MINAR1: variants seen among roughly 807,000 people sequenced by gnomAD.
MINAR1 encodes the protein major intrinsically disordered Notch2-binding receptor 1.
MINAR1 carries 40 observed loss-of-function variants against 65.1 expected under a neutral mutation model. That is an observed-to-expected ratio of 0.61 (90% CI 0.48 to 0.80). The LOEUF is 0.80. Ranked by LOEUF, MINAR1 falls within the 30% of genes least tolerant of loss-of-function variation. MINAR1 has a pLI of 0.00. For missense variants in MINAR1, 1,128 were observed against 1,148.0 expected (o/e 0.98, Z 0.25); for synonymous variants, 482 against 449.1 (o/e 1.07, Z -0.93).
Position 79,468,204 on chromosome 15 carries a change from C to G in MINAR1, c.2571C>G (p.Asn857Lys), listed in dbSNP as rs781754952. 6 of 1,613,668 alleles carry G rather than the reference C, an allele frequency of 3.7e-6. No individual in the cohort carries two copies. Among genetic ancestry groups the G allele is most frequent in the Non-Finnish European group, 3.4e-6 (4 of 1,179,792 alleles). The stretch of plus-strand genomic sequence containing the variant: ...GCTTTTAGACGCAAGAATCTTTAAA[C>G]CCAAATAATTTAGAGTACTGGATGG... ...ALDLQTQESL[N>K]PNNLEYWMED... The change falls in exon 4 of 4, where the codon AAC becomes AAG. Residue 857 changes from asparagine (N) to lysine (K), a missense_variant. Asn to Lys is a moderately conservative substitution (Grantham distance 94, BLOSUM62 0). Transcript: ENST00000305428.
the MINAR1 span, chr15:79,422,457 A>C: frequency 1.4e-4 from 21 of 152,130 alleles, no homozygotes; most frequent in African/African-American, 4.8e-4. Context: ...TTGAGGCAGG[A>C]GAATCACTTG....
chr15:79,453,351 C>T (rs941366311), intron 1 of MINAR1, among the ~76,000 whole-genome samples: 3 of 151,996 alleles, frequency 2.0e-5, no homozygotes, highest in African/African-American at 7.3e-5. Context: ...CCACTTGGGC[C>T]CCTAACCCCA....
intron 1 of MINAR1, among the ~76,000 whole-genome samples, chr15:79,436,815 A>G (rs1250561982): frequency 6.6e-6 from 1 of 152,210 alleles, no homozygotes; most frequent in Admixed American, 6.5e-5. Flanking sequence ...CTCACATGAC[A>G]GTTTTCTACT....
chr15:79,440,685 AG>A (rs1894845434), intron 1 of MINAR1, among the ~76,000 whole-genome samples: 1 of 152,120 alleles, frequency 6.6e-6, no homozygotes, highest in African/African-American at 2.4e-5. Flanking sequence ...CCACCCAGGC[AG>A]GCACGTGGTT....
At chr15:79,448,364 G>A (rs1895080100) in intron 1 of MINAR1, among the ~76,000 whole-genome samples, 1 of 152,192 alleles carries the variant, frequency 6.6e-6, no homozygotes, top group Non-Finnish European at 1.5e-5. Context: ...CTCTGGGAGA[G>A]AAAGTGTTCC....
chr15:79,462,185 G>A (rs922231635), intron 2 of MINAR1, among the ~76,000 whole-genome samples: 11 of 152,104 alleles, frequency 7.2e-5, no homozygotes, highest in African/African-American at 2.7e-4. Context: ...GGATTAAAAG[G>A]TGAACAAAAT....
chr15:79,461,750 A>AC (rs915242790), intron 2 of MINAR1, among the ~76,000 whole-genome samples: 4 of 152,006 alleles, frequency 2.6e-5, no homozygotes, highest in African/African-American at 9.7e-5. Context: ...CAGGTGTAGG[A>AC]CCCACACACT....
At chr15:79,437,824 G>T (rs1463168548) in intron 1 of MINAR1, among the ~76,000 whole-genome samples, 1 of 67,340 alleles carries the variant, frequency 1.5e-5, no homozygotes, top group African/African-American at 5.0e-5. Flanking sequence ...TGGGGCGTGG[G>T]TGTGTGTAGG....
upstream of MINAR1, among the ~76,000 whole-genome samples, chr15:79,430,090 C>CAG: frequency 6.6e-6 from 1 of 152,194 alleles, no homozygotes; most frequent in African/African-American, 2.4e-5. Context: ...ACACCACTAG[C>CAG]CAACTCTGGC....
Position 79,456,860 on chromosome 15 carries a change from A to C in MINAR1, c.713A>C (p.Lys238Thr), listed in dbSNP as rs755297178. ...TCCCTGCCCATCAATCAGAGCATCA[A>C]GGAGACCTTCATTTCCAATGAGGAG... is the stretch of plus-strand genomic sequence containing the variant. ...QDSLPINQSI[K>T]ETFISNEEPF... The change falls in exon 2 of 4, where the codon AAG (lysine) becomes ACG (threonine). Residue 238 changes from lysine (K) to threonine (T), a missense_variant. Physicochemically the swap from Lys to Thr is moderately conservative, Grantham distance 78 (BLOSUM62 -1). Coordinates refer to ENST00000305428, the MANE Select transcript of MINAR1 (RefSeq NM_015206.3). 12 of 1,614,182 alleles carry C rather than the reference A, an allele frequency of 7.4e-6. No homozygotes were observed.
At chr15:79,435,870 T>A (rs187909187) in intron 1 of MINAR1, among the ~76,000 whole-genome samples, 8 of 152,366 alleles carry the variant, frequency 5.3e-5, no homozygotes, top group Non-Finnish European at 1.2e-4. Context: ...AGCATATATA[T>A]GGTGGCTATT....
chr15:79,417,036 A>C, the MINAR1 span: 1 of 152,224 alleles, frequency 6.6e-6, no homozygotes, highest in Non-Finnish European at 1.5e-5. Context: ...CAGGCGTCAC[A>C]TGTGCAACAC....
rs1226728210 is a variant in MINAR1, at chr15:79,470,933, A to C, written c.*2549A>C. On this transcript the variant is annotated 3_prime_UTR_variant, in exon 4 of 4. Coordinates refer to ENST00000305428, the MANE Select transcript of MINAR1 (RefSeq NM_015206.3). The stretch of plus-strand genomic sequence containing the variant: ...ATGCTTGGGGTCTTGGGATAGATAG[A>C]AGGTGAGGTTCACAGTTGGAGCTTT... The C allele has an allele frequency of 6.6e-6, 1 of 152,156 alleles. No homozygotes were observed. Among genetic ancestry groups the C allele is most frequent in the Non-Finnish European group, 1.5e-5 (1 of 68,052 alleles). The allele number at this position is 152,156 out of a possible 1,614,324, so 9.4% of individuals were successfully genotyped here. A position where few individuals can be genotyped will look rare whatever the true frequency, so the allele number is the denominator to read the frequency against.
chr15:79,438,025 A>T (rs567718574), intron 1 of MINAR1, among the ~76,000 whole-genome samples: 3 of 1,802 alleles, frequency 1.7e-3, no homozygotes, highest in African/African-American at 3.5e-3. Flanking sequence ...TGGGTGTGGG[A>T]GGGTAGTGTG....
rs1896104212 is a variant in MINAR1 at position 79,472,013 on chromosome 15, T to C, written c.*3629T>C. On this transcript the variant is annotated 3_prime_UTR_variant, in exon 4 of 4. Coordinates refer to ENST00000305428, the MANE Select transcript of MINAR1 (RefSeq NM_015206.3). Reference sequence around the variant, plus strand: ...AACAAACTTCCTTATTTATGCCTTATGAATAAAAGAGTGTGGAATGTAAGG... The same window carrying C: ...AACAAACTTCCTTATTTATGCCTTACGAATAAAAGAGTGTGGAATGTAAGG... 6.6e-6 allele frequency: 1 copy of C among 152,228 alleles called. No homozygotes were observed. Among genetic ancestry groups the C allele is most frequent in the Non-Finnish European group, 1.5e-5 (1 of 68,038 alleles). 9.4% of individuals were successfully genotyped at this position (152,228 alleles called of 1,614,324 possible). A position where few individuals can be genotyped will look rare whatever the true frequency, so the allele number is the denominator to read the frequency against.
the MINAR1 span, chr15:79,419,682 CTAAAA>C: frequency 6.6e-6 from 1 of 151,890 alleles, no homozygotes; most frequent in African/African-American, 2.4e-5. Flanking sequence ...AACATGAATG[CTAAAA>C]TAAAATGTTC....
At chr15:79,463,572 G>T (rs1895731181) in intron 3 of MINAR1, 1 of 652,526 alleles carries the variant, frequency 1.5e-6, no homozygotes, top group Non-Finnish European at 2.8e-6. Context: ...TTTTTTATCG[G>T]CCATCTGATT....
Position 79,470,075 on chromosome 15 carries a change from T to C in MINAR1, c.*1691T>C, listed in dbSNP as rs1389521903. 1 of 152,590 alleles carries C rather than the reference T, an allele frequency of 6.6e-6. No individual in the cohort carries two copies. Among genetic ancestry groups the C allele is most frequent in the Non-Finnish European group, 1.5e-5 (1 of 68,040 alleles). 9.5% of individuals were successfully genotyped at this position (152,590 alleles called of 1,614,324 possible). Reference sequence around the variant, plus strand: ...GAACCTTTATTTTTAGAAGTCTTCATGTTATCTATTTGTATTATCATGTTT... The same window carrying C: ...GAACCTTTATTTTTAGAAGTCTTCACGTTATCTATTTGTATTATCATGTTT... On this transcript the variant is annotated 3_prime_UTR_variant, in exon 4 of 4. Coordinates refer to ENST00000305428, the MANE Select transcript of MINAR1 (RefSeq NM_015206.3).
In MINAR1 at chr15:79,471,963, T is replaced by TTTA. The variant is rs1386903128; in HGVS notation, c.*3583_*3585dup. ...TAATTGGGGAAAAGGGTATTCAATATTTATTAAGTAACAATGAGAAATGCA... is the reference window on the plus strand; with the variant it reads ...TAATTGGGGAAAAGGGTATTCAATATTTATTATTAAGTAACAATGAGAAATGCA... On this transcript the variant is annotated 3_prime_UTR_variant, in exon 4 of 4. Transcript: ENST00000305428. 2 of 152,612 alleles carry TTTA rather than the reference T, an allele frequency of 1.3e-5. No homozygotes were observed. Among genetic ancestry groups the TTTA allele is most frequent in the African/African-American group, 4.8e-5 (2 of 41,428 alleles). The allele number at this position is 152,612 out of a possible 1,614,324, so 9.5% of individuals were successfully genotyped here. A position where few individuals can be genotyped will look rare whatever the true frequency, so the allele number is the denominator to read the frequency against.
Sources: allele counts gnomAD v4.1 joint callset (sites outside exome capture counted in the v4.1 genomes callset), GRCh38; gene constraint gnomAD v4.1.1; transcripts MANE v1.5; gene names NCBI Gene and HGNC (gene_info 2026-07-23, HGNC 2026-07-21).